The following VAV3 variants were observed in gnomAD, a reference collection of about 807,000 sequenced individuals.
VAV3 encodes guanine nucleotide exchange factor VAV3.
Under a neutral mutation model 131.2 loss-of-function variants are expected in VAV3, and 94 were observed. The ratio of observed to expected loss-of-function variants is 0.72; its 90% CI spans 0.61 to 0.85. The LOEUF (loss-of-function observed/expected upper bound fraction) is 0.85. Among genes scored for constraint, VAV3 ranks in the 40% least tolerant of loss-of-function variants. VAV3 has a pLI of 0.00. For missense variants in VAV3, 939 were observed against 1,002.7 expected, an observed-to-expected ratio of 0.94 and a Z score of 0.86; for synonymous variants, 349 against 342.0, an observed-to-expected ratio of 1.02 and a Z score of -0.22.
At chr1:107,812,611 A>G (rs1233969568) in intron 2 of VAV3, among the ~76,000 whole-genome samples, 1 of 152,146 alleles carries the variant, frequency 6.6e-6, no homozygotes, top group African/African-American at 2.4e-5. Context: ...AGCCCAAGTA[A>G]CAATTGGTCT....
intron 17 of VAV3, among the ~76,000 whole-genome samples, chr1:107,695,874 A>G (rs1016654131): frequency 1.3e-5 from 2 of 152,174 alleles, no homozygotes; most frequent in African/African-American, 4.8e-5. Flanking sequence ...TAAAAGGTAG[A>G]GTAAAAGATT....
rs556043669 is a variant in VAV3, at chr1:107,591,089, C to A, written c.2350+5123G>T. Among the ~76,000 whole-genome samples the A allele has an allele frequency of 8.5e-5, 13 of 152,234 alleles. No individual in the cohort carries two copies. In the South Asian group the frequency reaches 2.3e-3, roughly 27 times the overall value. On this transcript the variant is annotated intron_variant, in intron 25 of 26. Transcript: ENST00000370056. ...GTTCTCTAATGCTTATGAACCTTCA[C>A]ACAAACGACCTCTTTGCTATGCAGG...
At chr1:107,712,345 G>T (rs577346566) in intron 15 of VAV3, among the ~76,000 whole-genome samples, 32 of 152,238 alleles carry the variant, frequency 2.1e-4, no homozygotes, top group South Asian at 4.1e-4. Flanking sequence ...GAGATTTTTT[G>T]TGTGTGATTT....
At chr1:107,745,143 C>T (rs1017017859) in intron 15 of VAV3, among the ~76,000 whole-genome samples, 9 of 152,010 alleles carry the variant, frequency 5.9e-5, no homozygotes, top group African/African-American at 1.9e-4. Flanking sequence ...AACCATTTGC[C>T]GTCCTGTTTC....
chr1:107,907,592 G>A (rs1672164889), intron 1 of VAV3, among the ~76,000 whole-genome samples: 1 of 152,056 alleles, frequency 6.6e-6, no homozygotes, highest in Non-Finnish European at 1.5e-5. Context: ...TCAAAGGAGT[G>A]GATTCATTAC....
At chr1:107,898,166 G>T (rs546446199) in intron 1 of VAV3, among the ~76,000 whole-genome samples, 9 of 151,792 alleles carry the variant, frequency 5.9e-5, no homozygotes, top group Non-Finnish European at 1.0e-4. Context: ...TGGAAAATAT[G>T]GGGGAACGAG....
chr1:107,598,815 C>CAT (rs1651604647), intron 24 of VAV3, among the ~76,000 whole-genome samples: 1 of 151,966 alleles, frequency 6.6e-6, no homozygotes, highest in Non-Finnish European at 1.5e-5. Flanking sequence ...CACACACACA[C>CAT]ACACACACGT....
At chr1:107,868,518 T>C (rs1670107710) in intron 2 of VAV3, among the ~76,000 whole-genome samples, 1 of 152,112 alleles carries the variant, frequency 6.6e-6, no homozygotes, top group Non-Finnish European at 1.5e-5. Flanking sequence ...GGCTCTCAAG[T>C]AGGTTGTCGG....
rs117943031 is a variant in VAV3 at position 107,930,007 on chromosome 1, G to A, written c.204+34659C>T. 2.0e-3 allele frequency among the ~76,000 whole-genome samples: 310 copies of A among 152,228 alleles called. 7 individuals carry two copies. In the East Asian group the frequency reaches 0.054, roughly 27 times the overall value. On this transcript the variant is annotated intron_variant, in intron 1 of 26. Coordinates refer to ENST00000370056, the MANE Select transcript of VAV3 (RefSeq NM_006113.5). ...AAATTAAAATAATTGAACTCATGGAGATAGAGAATAGAAGGATAGTTACCA... is the reference window on the plus strand; with the variant it reads ...AAATTAAAATAATTGAACTCATGGAAATAGAGAATAGAAGGATAGTTACCA...
At chr1:107,919,229 A>G (rs1298796429) in intron 1 of VAV3, among the ~76,000 whole-genome samples, 1 of 152,244 alleles carries the variant, frequency 6.6e-6, no homozygotes, top group Non-Finnish European at 1.5e-5. Context: ...GAAATTTAAT[A>G]TAACTATTGC....
chr1:107,702,219 CAGAG>C (rs1660175142), intron 17 of VAV3, among the ~76,000 whole-genome samples: 2 of 152,248 alleles, frequency 1.3e-5, no homozygotes, highest in Non-Finnish European at 2.9e-5. Context: ...ACAAGTGAGA[CAGAG>C]AGCAAGAGCA....
chr1:107,797,661 T>TA (rs1275924211), intron 2 of VAV3, among the ~76,000 whole-genome samples: 1 of 152,188 alleles, frequency 6.6e-6, no homozygotes, highest in Non-Finnish European at 1.5e-5. Context: ...AGCAGAGATG[T>TA]AAAAAATCTC....
Position 107,704,579 on chromosome 1 carries a change from A to C in VAV3, c.1676T>G (p.Val559Gly). ...AGAATTAACTCTGCCACAATTGTCT[A>C]CTCTTCCCAAACATTCTTTGTGTGC... ...ARAHKECLGR[V>G]DNCGRVNSGE... is the part of the protein sequence containing the mutation. The change falls in exon 17 of 27, where the codon GTA becomes GGA. Residue 559 changes from valine (V) to glycine (G), a missense_variant. Physicochemically the swap from Val to Gly is moderately radical, Grantham distance 109. Coordinates refer to ENST00000370056, the MANE Select transcript of VAV3 (RefSeq NM_006113.5). 6.2e-7 allele frequency: 1 copy of C among 1,613,818 alleles called. No homozygotes were observed. The highest frequency in any genetic ancestry group is 8.5e-7 in the Non-Finnish European group (1 of 1,179,796).
chr1:107,718,659 T>G (rs1661279871), intron 15 of VAV3, among the ~76,000 whole-genome samples: 1 of 152,104 alleles, frequency 6.6e-6, no homozygotes, highest in South Asian at 2.1e-4. Flanking sequence ...TTCAATGCCA[T>G]CCCCATCCAG....
intron 1 of VAV3, among the ~76,000 whole-genome samples, chr1:107,912,481 T>G (rs1306668636): frequency 1.3e-5 from 2 of 152,148 alleles, no homozygotes; most frequent in Admixed American, 6.5e-5. Flanking sequence ...TGTAAGAGTA[T>G]TAAAGGCATG....
chr1:107,753,162 A>G lies in VAV3; in HGVS notation c.1174-1960T>C, dbSNP rs149485425. Among the ~76,000 whole-genome samples the G allele has an allele frequency of 2.7e-4, 41 of 152,288 alleles. No individual in the cohort carries two copies. In the East Asian group the frequency reaches 7.3e-3, roughly 27 times the overall value. On this transcript the variant is annotated intron_variant, in intron 12 of 26. Coordinates refer to ENST00000370056, the MANE Select transcript of VAV3 (RefSeq NM_006113.5). ...AAAATGTTGACACATGACTACTACA[A>G]GGATGAACTTTGAAGACATTATGCT...
chr1:107,903,250 T>A (rs1444797560), intron 1 of VAV3, among the ~76,000 whole-genome samples: 1 of 152,182 alleles, frequency 6.6e-6, no homozygotes, highest in Non-Finnish European at 1.5e-5. Context: ...CCAAAAAGGA[T>A]TCAGAGAGCA....
intron 26 of VAV3, 91 bp from the exon 27 acceptor site, chr1:107,573,463 C>T (rs1242926998): frequency 3.3e-6 from 5 of 1,505,564 alleles, no homozygotes; most frequent in East Asian, 4.6e-5. Context: ...TTTCATAACA[C>T]CCCAATTAAA....
chr1:107,859,352 G>T (rs1015632902), intron 2 of VAV3, among the ~76,000 whole-genome samples: 1 of 152,080 alleles, frequency 6.6e-6, no homozygotes, highest in African/African-American at 2.4e-5. Flanking sequence ...GATTATAGAC[G>T]TTGAGCCAGC....
Sources: gnomAD v4.1 joint callset for allele counts (sites outside exome capture counted in the v4.1 genomes callset) on GRCh38, gnomAD v4.1.1 for gene constraint, MANE v1.5 for transcripts, NCBI Gene and HGNC (gene_info 2026-07-23, HGNC 2026-07-21) for gene names.